Variants in MXI1 observed in about 807,000 individuals in gnomAD.
The protein encoded by MXI1 is MAX interactor 1, dimerization protein, also known as max-interacting protein 1.
MXI1 carries 18 observed loss-of-function variants against 36.9 expected under a neutral mutation model. That is an observed-to-expected ratio of 0.49 (90% CI 0.34 to 0.72). MXI1 has a LOEUF of 0.72. Among genes scored for constraint, MXI1 ranks in the 30% least tolerant of loss-of-function variants. The probability of loss-of-function intolerance (pLI) is 0.01; values close to 1 mark genes in which losing one functional copy is unlikely to be tolerated. For missense variants in MXI1, 304 were observed against 379.1 expected, an observed-to-expected ratio of 0.80 and a Z score of 1.64; for synonymous variants, 160 against 146.7, an observed-to-expected ratio of 1.09 and a Z score of -0.65.
intron 2 of MXI1, among the ~76,000 whole-genome samples, chr10:110,232,449 G>A (rs1036725988): frequency 1.5e-4 from 23 of 152,028 alleles, no homozygotes; most frequent in African/African-American, 4.4e-4. Flanking sequence ...CTCATCTGCC[G>A]TAGTAGATCA....
intron 1 of MXI1, among the ~76,000 whole-genome samples, chr10:110,225,261 A>G (rs942986163): frequency 1.3e-5 from 2 of 152,216 alleles, no homozygotes; most frequent in African/African-American, 4.8e-5. Flanking sequence ...GAGTTCACAC[A>G]GGTCTCAGTG....
At chr10:110,226,456 A>T in intron 1 of MXI1, 5 of 32,066 alleles carry the variant, frequency 1.6e-4, no homozygotes, top group Non-Finnish European at 2.0e-4. Flanking sequence ...GTGTGTGGGG[A>T]GGGGCGTGTG....
intron 1 of MXI1, among the ~76,000 whole-genome samples, chr10:110,212,372 C>T (rs1188315946): frequency 1.3e-5 from 2 of 152,222 alleles, no homozygotes; most frequent in African/African-American, 4.8e-5. Context: ...TGTGTCTGTA[C>T]AGCAGATCCA....
In MXI1 at chr10:110,216,665, G is replaced by GTTTTTTGTTTTGTTTTGTTTTGTTTTTTT. The variant is rs1554853670; in HGVS notation, c.274+8589_274+8590insGTTTTGTTTTGTTTTGTTTTTTTTTTTTT. 1.5e-3 allele frequency among the ~76,000 whole-genome samples: 116 copies of GTTTTTTGTTTTGTTTTGTTTTGTTTTTTT among 79,056 alleles called. 2 individuals are homozygous for GTTTTTTGTTTTGTTTTGTTTTGTTTTTTT. Among genetic ancestry groups the GTTTTTTGTTTTGTTTTGTTTTGTTTTTTT allele is most frequent in the South Asian group, 4.0e-3 (8 of 2,002 alleles). The allele number at this position is 79,056 out of a possible 152,430, so 51.9% of individuals were successfully genotyped here. A position where few individuals can be genotyped will look rare whatever the true frequency, so the allele number is the denominator to read the frequency against. On this transcript the variant is annotated intron_variant, in intron 1 of 5. Coordinates refer to ENST00000332674, the MANE Select transcript of MXI1 (RefSeq NM_130439.3). ...CCTGTCTCCCCTATCTGTGTTTAAT[G>GTTTTTTGTTTTGTTTTGTTTTGTTTTTTT]TTTTTTTTTTTTTTTTTTTTGGAGA... is the stretch of plus-strand genomic sequence containing the variant.
At chr10:110,235,690 A>AAAATAAATAAATAAATAAAT (rs60672702) in intron 2 of MXI1, among the ~76,000 whole-genome samples, 8 of 149,084 alleles carry the variant, frequency 5.4e-5, no homozygotes, top group Non-Finnish European at 8.9e-5. Flanking sequence ...TCTGTCTCAA[A>AAAATAAATAAATAAATAAAT]AAATAAATAA....
chr10:110,233,183 T>C (rs1379957044), intron 2 of MXI1, among the ~76,000 whole-genome samples: 1 of 152,160 alleles, frequency 6.6e-6, no homozygotes, highest in African/African-American at 2.4e-5. Flanking sequence ...TTTCTAAGAT[T>C]GAGGACACTA....
At chr10:110,279,473 C>A (rs140695222) in intron 4 of MXI1, among the ~76,000 whole-genome samples, 179 bp downstream of exon 4, 2,953 of 152,312 alleles carry the variant, frequency 0.019, 48 homozygotes, top group African/African-American at 0.033. Context: ...CCTGATTAAA[C>A]TAAATTGTTT....
rs771024820 is a variant in MXI1, at chr10:110,273,041, C to CTTT, written c.438-6119_438-6117dup. 4.4e-3 allele frequency among the ~76,000 whole-genome samples: 492 copies of CTTT among 110,866 alleles called. 1 individual carries two copies. The highest frequency in any genetic ancestry group is 6.7e-3 in the East Asian group (23 of 3,416). The allele number at this position is 110,866 out of a possible 152,430, so 72.7% of individuals were successfully genotyped here. ...CATTTTGTAGAAATAGCTTGTTTAGCTTTTTTTTTTTTTTTTTTTTTTGTG... is the reference window on the plus strand; with the variant it reads ...CATTTTGTAGAAATAGCTTGTTTAGCTTTTTTTTTTTTTTTTTTTTTTTTTGTG... On this transcript the variant is annotated intron_variant, in intron 3 of 5. Transcript: ENST00000332674.
At chr10:110,250,845 A>ATG in intron 3 of MXI1, among the ~76,000 whole-genome samples, 1 of 150,048 alleles carries the variant, frequency 6.7e-6, no homozygotes, top group Non-Finnish European at 1.5e-5. Flanking sequence ...AAAAAAAAAA[A>ATG]AAATAACAAC....
chr10:110,237,027 A>G (rs996088215), intron 2 of MXI1, among the ~76,000 whole-genome samples: 2 of 152,202 alleles, frequency 1.3e-5, no homozygotes, highest in African/African-American at 4.8e-5. Flanking sequence ...GTATTCTTTG[A>G]TGCTATTTTA....
At chr10:110,275,298 A>G (rs919466025) in intron 3 of MXI1, among the ~76,000 whole-genome samples, 1 of 152,184 alleles carries the variant, frequency 6.6e-6, no homozygotes, top group Non-Finnish European at 1.5e-5. Context: ...TTGAGCTACC[A>G]GTCACATGAG....
At chr10:110,255,500 T>C (rs1856255089) in intron 3 of MXI1, among the ~76,000 whole-genome samples, 1 of 152,170 alleles carries the variant, frequency 6.6e-6, no homozygotes, top group African/African-American at 2.4e-5. Flanking sequence ...AGGCTGTATC[T>C]GCCATAGATA....
chr10:110,279,507 C>T (rs1381615410), intron 4 of MXI1, among the ~76,000 whole-genome samples: 2 of 152,206 alleles, frequency 1.3e-5, no homozygotes, highest in Non-Finnish European at 2.9e-5. Flanking sequence ...ATTTGAAGAA[C>T]TGAGAACACT....
At chr10:110,229,083 T>A (rs1590344707) in intron 2 of MXI1, among the ~76,000 whole-genome samples, 2 of 152,292 alleles carry the variant, frequency 1.3e-5, no homozygotes, top group South Asian at 4.1e-4. Flanking sequence ...TGTACTAAGA[T>A]GTAGCTGACT....
chr10:110,226,258 C>G (rs1477964561), intron 1 of MXI1: 6 of 1,500,530 alleles, frequency 4.0e-6, no homozygotes, highest in East Asian at 5.5e-5. Flanking sequence ...TGGAGGCTGC[C>G]GAGTTTTTGG....
intron 3 of MXI1, among the ~76,000 whole-genome samples, chr10:110,269,799 A>G (rs1856800384): frequency 6.6e-6 from 1 of 152,186 alleles, no homozygotes; most frequent in South Asian, 2.1e-4. Flanking sequence ...ACAAGTAGCT[A>G]CTGTTGTGAT....
intron 3 of MXI1, among the ~76,000 whole-genome samples, chr10:110,265,073 G>A (rs541623565): frequency 6.6e-6 from 1 of 152,260 alleles, no homozygotes; most frequent in South Asian, 2.1e-4. Context: ...TTTGAGTTTG[G>A]CACCTTCAAT....
chr10:110,210,368 G>A (rs1854482043), intron 1 of MXI1: 2 of 857,216 alleles, frequency 2.3e-6, no homozygotes, highest in Non-Finnish European at 1.4e-6. Context: ...CCGGCTCCCG[G>A]CGGGAGTATT....
chr10:110,215,659 G>T (rs140683071), intron 1 of MXI1, among the ~76,000 whole-genome samples: 14 of 152,216 alleles, frequency 9.2e-5, no homozygotes, highest in Non-Finnish European at 1.5e-4. Flanking sequence ...AAAGGTCATT[G>T]CAACATTCTC....
Sources: allele counts gnomAD v4.1 joint callset (sites outside exome capture counted in the v4.1 genomes callset), GRCh38; gene constraint gnomAD v4.1.1; transcripts MANE v1.5; gene names NCBI Gene and HGNC (gene_info 2026-07-23, HGNC 2026-07-21).